UBR1: variants seen among roughly 807,000 people sequenced by gnomAD.
The protein encoded by UBR1 is E3 ubiquitin-protein ligase UBR1.
UBR1 carries 102 observed loss-of-function variants against 242.1 expected under a neutral mutation model. The ratio of observed to expected loss-of-function variants is 0.42; its 90% CI spans 0.36 to 0.50. The LOEUF (loss-of-function observed/expected upper bound fraction) is 0.50, where lower values mean the gene tolerates loss of function less well. Among genes scored for constraint, UBR1 ranks in the 20% least tolerant of loss-of-function variants. The pLI, the probability that UBR1 is intolerant of heterozygous loss-of-function variation, is 0.01. For missense variants in UBR1, 1,772 were observed against 2,101.8 expected, an observed-to-expected ratio of 0.84 and a Z score of 3.07; for synonymous variants, 675 against 684.8, an observed-to-expected ratio of 0.99 and a Z score of 0.22.
chr15:43,003,068 C>T (rs1385211397), intron 31 of UBR1, among the ~76,000 whole-genome samples: 1 of 152,074 alleles, frequency 6.6e-6, no homozygotes, highest in Non-Finnish European at 1.5e-5. Flanking sequence ...AATCTAAAGC[C>T]AAATGGGTAA....
At chr15:42,990,286 C>T (rs2032534657) in intron 33 of UBR1, among the ~76,000 whole-genome samples, 166 bp from the exon 34 acceptor site, 1 of 152,126 alleles carries the variant, frequency 6.6e-6, no homozygotes, top group Admixed American at 6.5e-5. Flanking sequence ...TCAAGCGATC[C>T]TCCCAATCTC....
intron 19 of UBR1, among the ~76,000 whole-genome samples, chr15:43,032,935 A>C (rs1432305558): frequency 1.3e-5 from 2 of 152,192 alleles, no homozygotes; most frequent in Non-Finnish European, 2.9e-5. Context: ...CTGCCTTCTT[A>C]CCTGCGTTAG....
chr15:43,012,472 GGT>G (rs1409513260), intron 29 of UBR1, among the ~76,000 whole-genome samples: 3 of 152,112 alleles, frequency 2.0e-5, no homozygotes, highest in African/African-American at 7.2e-5. Context: ...ATGCAGAGAT[GGT>G]CAAAGGGGGA....
At chr15:43,077,231 A>C (rs2033917210) in intron 3 of UBR1, among the ~76,000 whole-genome samples, 1 of 152,126 alleles carries the variant, frequency 6.6e-6, no homozygotes, top group South Asian at 2.1e-4. Context: ...TGGGGAGGAA[A>C]TTGAGAAATC....
At chr15:43,011,813 T>C (rs1033455452) in intron 29 of UBR1, 5 of 373,500 alleles carry the variant, frequency 1.3e-5, no homozygotes, top group Non-Finnish European at 2.7e-5. Flanking sequence ...TACAAAAAGA[T>C]TCTCACGAAC....
At chr15:43,024,798 G>C in intron 25 of UBR1, 31 bp downstream of exon 25, 2 of 1,613,996 alleles carry the variant, frequency 1.2e-6, no homozygotes, top group African/African-American at 2.7e-5. Flanking sequence ...TCTAGGACTT[G>C]ATGTAGAGAA....
At chr15:43,033,232 G>A (rs917308503) in intron 19 of UBR1, among the ~76,000 whole-genome samples, 2 of 152,040 alleles carry the variant, frequency 1.3e-5, no homozygotes, top group African/African-American at 2.4e-5. Flanking sequence ...TTTATATGAG[G>A]CCAGGTATGG....
At chr15:42,955,102 G>T (rs1181645339) in intron 44 of UBR1, among the ~76,000 whole-genome samples, 1 of 152,164 alleles carries the variant, frequency 6.6e-6, no homozygotes, top group African/African-American at 2.4e-5. Context: ...GGAGGCAGAG[G>T]CTGCAGTGAA....
intron 13 of UBR1, among the ~76,000 whole-genome samples, chr15:43,047,578 C>T (rs1394952723): frequency 6.6e-6 from 1 of 152,016 alleles, no homozygotes; most frequent in Non-Finnish European, 1.5e-5. Flanking sequence ...CAGTTCTTGT[C>T]AATTGATAAG....
intron 32 of UBR1, 144 bp from the exon 33 acceptor site, chr15:42,998,409 G>A (rs577793404): frequency 2.3e-4 from 175 of 752,884 alleles, no homozygotes; most frequent in Admixed American, 4.3e-4. Flanking sequence ...AGAAACATGT[G>A]TCTAAAAATG....
Position 42,998,380 on chromosome 15 carries a change from GATTA to G in UBR1, c.3660-119_3660-116del, listed in dbSNP as rs1245046346. On this transcript the variant is annotated intron_variant, in intron 32 of 46. Transcript: ENST00000290650. ...CATATAAAAAAGTTGAGTTCCTCCA[GATTA>G]ATTTCCTAGGTCACAGAAACATGTG... 14 of 906,538 alleles carry G rather than the reference GATTA, an allele frequency of 1.5e-5. No individual in the cohort carries two copies. In the African/African-American group the frequency reaches 2.0e-4, roughly 13 times the overall value. The allele number at this position is 906,538 out of a possible 1,614,324, so 56.2% of individuals were successfully genotyped here.
At chr15:42,961,581 C>T (rs1258564989) in intron 42 of UBR1, among the ~76,000 whole-genome samples, 1 of 151,834 alleles carries the variant, frequency 6.6e-6, no homozygotes, top group Non-Finnish European at 1.5e-5. Context: ...CGCCACCACG[C>T]CTGGCTAATT....
chr15:43,066,336 T>C (rs1166662600), intron 6 of UBR1, among the ~76,000 whole-genome samples: 2 of 152,192 alleles, frequency 1.3e-5, no homozygotes, highest in Non-Finnish European at 2.9e-5. Flanking sequence ...GTGTCTGCTT[T>C]TGTACCAGTA....
intron 41 of UBR1, among the ~76,000 whole-genome samples, chr15:42,965,768 A>T (rs1459464926): frequency 6.6e-6 from 1 of 152,130 alleles, no homozygotes; most frequent in Non-Finnish European, 1.5e-5. Flanking sequence ...CACCCGGCCT[A>T]CATGTCCAAA....
Position 43,054,833 on chromosome 15 carries a change from G to T in UBR1, c.1348C>A (p.Pro450Thr). 1 of 1,614,078 alleles carries T rather than the reference G, an allele frequency of 6.2e-7. No individual in the cohort carries two copies. The highest frequency in any genetic ancestry group is 1.1e-5 in the South Asian group (1 of 91,078). Residue 450 changes from proline to threonine, a missense_variant, in exon 12 of 47, where the codon CCT becomes ACT. By Grantham distance (38) the Pro-to-Thr change is conservative (BLOSUM62 -1). Coordinates refer to ENST00000290650, the MANE Select transcript of UBR1 (RefSeq NM_174916.3). Reference protein sequence around the residue: ...VITETLLEVLPEYLDRNNKFN... With the variant: ...VITETLLEVLTEYLDRNNKFN... ...TTATTGTTCCTGTCCAAGTACTCAG[G>T]TAAAACTTCTAGCAGAGTTTCAGTA...
In UBR1 at chr15:42,960,720, G is replaced by A; in HGVS notation, c.4701-19C>T. ...ACACCACCTGTATGTGGAGCCAAGA[G>A]AAAAGACAAATGGATTATCACAGCT... On this transcript the variant is annotated intron_variant, in intron 42 of 46. Coordinates refer to ENST00000290650, the MANE Select transcript of UBR1 (RefSeq NM_174916.3). 1 of 1,612,934 alleles carries A rather than the reference G, an allele frequency of 6.2e-7. No homozygotes were observed. Among genetic ancestry groups the A allele is most frequent in the Non-Finnish European group, 8.5e-7 (1 of 1,179,172 alleles).
chr15:43,004,014 C>G (rs2032765469), intron 30 of UBR1, 84 bp from the exon 31 acceptor site: 2 of 1,174,798 alleles, frequency 1.7e-6, no homozygotes, highest in Non-Finnish European at 2.6e-6. Flanking sequence ...TAGGAATGTC[C>G]AAGCAAAGTG....
intron 32 of UBR1, among the ~76,000 whole-genome samples, chr15:43,001,638 T>C (rs2032726756): frequency 6.6e-6 from 1 of 152,142 alleles, no homozygotes. Context: ...TGTACAACAG[T>C]GAGAATATAG....
chr15:42,977,758 A>C (rs898099523), intron 38 of UBR1, 122 bp downstream of exon 38: 6 of 846,030 alleles, frequency 7.1e-6, no homozygotes, highest in Non-Finnish European at 9.8e-6. Flanking sequence ...GACAGGAGAG[A>C]CCAAACTTTA....
Sources: gnomAD v4.1 joint callset for allele counts (sites outside exome capture counted in the v4.1 genomes callset) on GRCh38, gnomAD v4.1.1 for gene constraint, MANE v1.5 for transcripts, NCBI Gene and HGNC (gene_info 2026-07-23, HGNC 2026-07-21) for gene names.